SMCO1: variants seen among roughly 807,000 people sequenced by gnomAD.
The protein encoded by SMCO1 is single-pass membrane and coiled-coil domain-containing protein 1.
Under a neutral mutation model 7.5 loss-of-function variants are expected in SMCO1, and 9 were observed. The observed-to-expected ratio is 1.20, with a 90% confidence interval of 0.72 to 2.09. The LOEUF (loss-of-function observed/expected upper bound fraction) is 2.09, where lower values mean the gene tolerates loss of function less well. Ranked by LOEUF, SMCO1 falls within the 30% of genes most tolerant of loss-of-function variation. SMCO1 has a pLI of 0.00. For synonymous variants in SMCO1, 90 were observed against 93.8 expected, an observed-to-expected ratio of 0.96 and a Z score of 0.23; for missense variants, 219 against 253.1, an observed-to-expected ratio of 0.87 and a Z score of 0.91.
At chr3:196,515,988 G>GAGATATATAT (rs1296248474), upstream of SMCO1, among the ~76,000 whole-genome samples, 3 of 23,894 alleles carry the variant, frequency 1.3e-4, no homozygotes, top group East Asian at 1.4e-3. Flanking sequence ...AAGAGGATAG[G>GAGATATATAT]ATATATATAT....
chr3:196,515,428 T>G, upstream of SMCO1: 1 of 546,534 alleles, frequency 1.8e-6, no homozygotes, highest in Non-Finnish European at 3.3e-6. Flanking sequence ...TGGACACAGG[T>G]GTCCTGGAAT....
the SMCO1 span, among the ~76,000 whole-genome samples, chr3:196,520,883 A>G: frequency 1.3e-5 from 2 of 152,362 alleles, no homozygotes; most frequent in African/African-American, 4.8e-5. Context: ...TATAGAGATG[A>G]TCATGGATAT....
chr3:196,508,750 A>G (rs1231194447), intron 2 of SMCO1, among the ~76,000 whole-genome samples: 2 of 150,946 alleles, frequency 1.3e-5, no homozygotes, highest in Non-Finnish European at 1.5e-5. Flanking sequence ...CAGCCTGGCC[A>G]ACATGGTGAA....
upstream of SMCO1, among the ~76,000 whole-genome samples, chr3:196,515,988 G>GATATATATAT (rs200613159): frequency 1.2e-3 from 29 of 23,866 alleles, no homozygotes; most frequent in Non-Finnish European, 1.6e-3. Context: ...AAGAGGATAG[G>GATATATATAT]ATATATATAT....
chr3:196,516,236 G>C (rs994904266), upstream of SMCO1, among the ~76,000 whole-genome samples: 1 of 151,222 alleles, frequency 6.6e-6, no homozygotes, highest in African/African-American at 2.4e-5. Flanking sequence ...ATGTATATGG[G>C]ATGTGTGCTA....
At chr3:196,519,878 C>T (rs1203513653), upstream of SMCO1, among the ~76,000 whole-genome samples, 1 of 152,136 alleles carries the variant, frequency 6.6e-6, no homozygotes, top group Non-Finnish European at 1.5e-5. Context: ...CACCTACAAC[C>T]ACGGGCGGCA....
upstream of SMCO1, among the ~76,000 whole-genome samples, chr3:196,515,983 G>GACAT: frequency 1.2e-5 from 1 of 81,870 alleles, no homozygotes; most frequent in South Asian, 4.4e-4. Context: ...CGGGCAAGAG[G>GACAT]ATAGGATATA....
At chr3:196,517,236 T>C (rs561854103), upstream of SMCO1, among the ~76,000 whole-genome samples, 1 of 151,508 alleles carries the variant, frequency 6.6e-6, no homozygotes, top group African/African-American at 2.4e-5. Flanking sequence ...TCCTGAGTGA[T>C]AGGAGTGTCT....
chr3:196,517,886 G>A (rs1329448614), upstream of SMCO1, among the ~76,000 whole-genome samples: 9 of 152,176 alleles, frequency 5.9e-5, no homozygotes, highest in Admixed American at 5.2e-4. Flanking sequence ...AGAGTCCTCA[G>A]TAATGCTTTT....
At chr3:196,514,689 C>A (rs898625443) in intron 1 of SMCO1, among the ~76,000 whole-genome samples, 1 of 152,246 alleles carries the variant, frequency 6.6e-6, no homozygotes, top group African/African-American at 2.4e-5. Flanking sequence ...GCAGACTTTT[C>A]TTTATTGTTA....
At chr3:196,514,779 G>A (rs139708936) in intron 1 of SMCO1, among the ~76,000 whole-genome samples, 44 of 152,276 alleles carry the variant, frequency 2.9e-4, no homozygotes, top group African/African-American at 1.0e-3. Context: ...GTCTTGCTCT[G>A]TTGCCAGGCT....
upstream of SMCO1, among the ~76,000 whole-genome samples, chr3:196,517,104 CAAAAAAAAAAAA>C (rs56104987): frequency 4.5e-4 from 16 of 35,740 alleles, no homozygotes; most frequent in South Asian, 5.0e-3. Flanking sequence ...GACTCCATCG[CAAAAAAAAAAAA>C]AAAAAAAAAA....
At chr3:196,509,201 C>T (rs1462689202) in intron 2 of SMCO1, among the ~76,000 whole-genome samples, 2 of 146,590 alleles carry the variant, frequency 1.4e-5, no homozygotes, top group African/African-American at 2.5e-5. Context: ...AGGTGCCTGC[C>T]ACCACACCCG....
upstream of SMCO1, among the ~76,000 whole-genome samples, chr3:196,518,766 A>C (rs1733438941): frequency 6.6e-6 from 1 of 152,202 alleles, no homozygotes; most frequent in African/African-American, 2.4e-5. Context: ...TTTAAAATCT[A>C]ATCAAATCAA....
At chr3:196,513,094 C>G (rs1733292779) in intron 1 of SMCO1, among the ~76,000 whole-genome samples, 1 of 152,000 alleles carries the variant, frequency 6.6e-6, no homozygotes, top group Non-Finnish European at 1.5e-5. Context: ...TTTGGGAGGC[C>G]AAGGTGGGTG....
intron 1 of SMCO1, among the ~76,000 whole-genome samples, chr3:196,510,790 T>G (rs968885545): frequency 2.6e-5 from 4 of 152,192 alleles, no homozygotes; most frequent in African/African-American, 7.2e-5. Context: ...ACTACGTTCT[T>G]GGAGGGAAGG....
At chr3:196,518,570 C>T (rs1733434154), upstream of SMCO1, among the ~76,000 whole-genome samples, 1 of 150,964 alleles carries the variant, frequency 6.6e-6, no homozygotes, top group Non-Finnish European at 1.5e-5. Context: ...CTGCCTCAGC[C>T]TCCCAAAGTG....
At chr3:196,511,916 G>A (rs1255604797) in intron 1 of SMCO1, among the ~76,000 whole-genome samples, 1 of 136,050 alleles carries the variant, frequency 7.4e-6, no homozygotes, top group African/African-American at 3.7e-5. Flanking sequence ...GTTGTTATGA[G>A]GGAAACCTGC....
At chr3:196,516,031 A>ATATATATATAT (rs58801625), upstream of SMCO1, among the ~76,000 whole-genome samples, 1 of 105,698 alleles carries the variant, frequency 9.5e-6, no homozygotes, top group African/African-American at 3.5e-5. Context: ...ATATATATAT[A>ATATATATATAT]ATTATATATA....
Sources: gnomAD v4.1 joint callset for allele counts (sites outside exome capture counted in the v4.1 genomes callset) on GRCh38, gnomAD v4.1.1 for gene constraint, MANE v1.5 for transcripts, NCBI Gene and HGNC (gene_info 2026-07-23, HGNC 2026-07-21) for gene names.